ZNHIT3: variants seen among roughly 807,000 people sequenced by gnomAD.
The protein encoded by ZNHIT3 is zinc finger HIT-type containing 3.
ZNHIT3 carries 27 observed loss-of-function variants against 19.9 expected under a neutral mutation model. The observed-to-expected ratio is 1.36, with a 90% CI of 1.00 to 1.87. The LOEUF (loss-of-function observed/expected upper bound fraction) is 1.87. Ranked by LOEUF, ZNHIT3 falls within the 40% of genes most tolerant of loss-of-function variation. ZNHIT3 has a pLI of 0.00. For synonymous variants in ZNHIT3, 81 were observed against 65.7 expected (o/e 1.23, Z -1.13); for missense variants, 215 against 185.6 (o/e 1.16, Z -0.92).
At chr17:36,495,889 A>C (rs993691951), downstream of ZNHIT3, 5 of 1,233,042 alleles carry the variant, frequency 4.1e-6, no homozygotes, top group African/African-American at 7.8e-5. Context: ...CGCCAATTTT[A>C]GGCCAACTTT....
chr17:36,496,645 A>G (rs752974076), downstream of ZNHIT3, among the ~76,000 whole-genome samples: 23 of 152,208 alleles, frequency 1.5e-4, no homozygotes, highest in Non-Finnish European at 2.8e-4. Context: ...TAAAGCCAGA[A>G]GGGCAAAACA....
chr17:36,488,085 G>A (rs1412988961), intron 2 of ZNHIT3, among the ~76,000 whole-genome samples: 3 of 110,366 alleles, frequency 2.7e-5, no homozygotes, highest in African/African-American at 8.1e-5. Flanking sequence ...GAGACAGCAA[G>A]ACTGTCTCAA....
At position 36,495,683 on chromosome 17, in the gene ZNHIT3, C is replaced by A; in HGVS notation, c.*279C>A. 7.9e-7 allele frequency: 1 copy of A among 1,265,144 alleles called. No individual in the cohort carries two copies. The highest frequency in any genetic ancestry group is 9.9e-7 in the Non-Finnish European group (1 of 1,007,654). The allele number at this position is 1,265,144 out of a possible 1,614,324, so 78.4% of individuals were successfully genotyped here. A position where few individuals can be genotyped will look rare whatever the true frequency, so the allele number is the denominator to read the frequency against. On this transcript the variant is annotated 3_prime_UTR_variant, in exon 5 of 5. Transcript: ENST00000617429. ...TGGTACAGTTGATAGACATCATAAACGATATCAAGCTTACACTTCATATGG... is the reference window on the plus strand; with the variant it reads ...TGGTACAGTTGATAGACATCATAAAAGATATCAAGCTTACACTTCATATGG...
At chr17:36,499,264 A>C, downstream of ZNHIT3, 6 of 771,380 alleles carry the variant, frequency 7.8e-6, no homozygotes, top group African/African-American at 1.8e-5. Flanking sequence ...AGTTTCAAAT[A>C]CGTTTTTTTT....
At chr17:36,495,190 C>A in intron 4 of ZNHIT3, 33 bp from the exon 5 acceptor site, 1 of 1,539,116 alleles carries the variant, frequency 6.5e-7, no homozygotes, top group South Asian at 1.3e-5. Flanking sequence ...TCCACTTGAA[C>A]TCAGACTGGC....
chr17:36,496,237 A>AAAGGCACC (rs2070953096), downstream of ZNHIT3: 1 of 1,613,142 alleles, frequency 6.2e-7, no homozygotes, highest in Admixed American at 1.7e-5. Flanking sequence ...TTGTGGAAAC[A>AAAGGCACC]AAGGCACCAA....
chr17:36,495,124 T>C, intron 4 of ZNHIT3, 99 bp from the exon 5 acceptor site: 2 of 1,430,478 alleles, frequency 1.4e-6, no homozygotes, highest in Non-Finnish European at 1.9e-6. Flanking sequence ...CACACCTTGC[T>C]GATAGTTTTA....
Position 36,486,764 on chromosome 17 carries a change from G to A in ZNHIT3, c.65G>A (p.Cys22Tyr). ...TGCTTGGAGAAGCCCAAATACCGCTGTCCAGCCTGCCGCGTGCCCTAGTGA... is the reference window on the plus strand; with the variant it reads ...TGCTTGGAGAAGCCCAAATACCGCTATCCAGCCTGCCGCGTGCCCTAGTGA... ...VICLEKPKYR[C>Y]PACRVPYCSV... Residue 22 changes from cysteine to tyrosine, a missense_variant, in exon 1 of 5, where the codon TGT (cysteine) becomes TAT (tyrosine). Transcript: ENST00000617429. 6.2e-7 allele frequency: 1 copy of A among 1,613,488 alleles called. No individual in the cohort carries two copies. Among genetic ancestry groups the A allele is most frequent in the Non-Finnish European group, 8.5e-7 (1 of 1,179,758 alleles).
At chr17:36,497,589 C>CTTTT, downstream of ZNHIT3, 1 of 818,428 alleles carries the variant, frequency 1.2e-6, no homozygotes, top group Non-Finnish European at 1.5e-6. Context: ...CTAAACCAAA[C>CTTTT]TTTTTTTTTT....
chr17:36,493,842 T>C (rs1167865424), intron 3 of ZNHIT3, 84 bp from the exon 4 acceptor site: 9 of 939,070 alleles, frequency 9.6e-6, no homozygotes, highest in African/African-American at 1.6e-5. Context: ...TGCACACATT[T>C]TTATCCTGTT....
chr17:36,488,709 A>G (rs1429962123), intron 2 of ZNHIT3, among the ~76,000 whole-genome samples: 1 of 152,236 alleles, frequency 6.6e-6, no homozygotes, highest in African/African-American at 2.4e-5. Context: ...TAATTGACAC[A>G]TAATTGCATA....
rs2070804034 is a variant in ZNHIT3 at position 36,494,101 on chromosome 17, A to G, written c.286+95A>G. ...AAAGTTTTTAATTTCTTGAATAAGTATGGCATGTAGGGCTCTTACTATCTA... is the reference window on the plus strand; with the variant it reads ...AAAGTTTTTAATTTCTTGAATAAGTGTGGCATGTAGGGCTCTTACTATCTA... On this transcript the variant is annotated intron_variant, in intron 4 of 4. Transcript: ENST00000617429. 7.6e-5 allele frequency: 72 copies of G among 952,790 alleles called. 3 individuals are homozygous for G. In the South Asian group the frequency reaches 9.1e-4, roughly 12 times the overall value. 59.0% of individuals were successfully genotyped at this position (952,790 alleles called of 1,614,324 possible).
intron 2 of ZNHIT3, among the ~76,000 whole-genome samples, chr17:36,488,217 C>A (rs1159677742): frequency 6.6e-6 from 1 of 151,562 alleles, no homozygotes; most frequent in Non-Finnish European, 1.5e-5. Context: ...CCAACATCCT[C>A]ATTTGAGTTT....
intron 3 of ZNHIT3, 54 bp downstream of exon 3, chr17:36,492,953 G>C: frequency 1.4e-6 from 2 of 1,474,764 alleles, no homozygotes; most frequent in Non-Finnish European, 9.2e-7. Flanking sequence ...AGAATAAGTC[G>C]AAGGAAAAGG....
chr17:36,494,969 G>A (rs773048395), intron 4 of ZNHIT3, among the ~76,000 whole-genome samples: 7 of 152,076 alleles, frequency 4.6e-5, no homozygotes, highest in South Asian at 2.1e-4. Flanking sequence ...CATTTAATGC[G>A]GAAATAGTTT....
At chr17:36,497,320 GAAA>G (rs112241229), downstream of ZNHIT3, among the ~76,000 whole-genome samples, 2 of 132,554 alleles carry the variant, frequency 1.5e-5, no homozygotes, top group African/African-American at 2.7e-5. Context: ...TAAATAACAT[GAAA>G]AAAAAAAAAA....
At chr17:36,491,658 T>C (rs1300628810) in intron 2 of ZNHIT3, 1 of 152,240 alleles carries the variant, frequency 6.6e-6, no homozygotes, top group Admixed American at 6.5e-5. Flanking sequence ...TTGACTTTTA[T>C]TCCTAGGTAG....
rs201455273 is a variant in ZNHIT3, at chr17:36,495,375, G to A, written c.439G>A (p.Val147Met). ...VEFADCCLGI[V>M]EPSQNEES Reference sequence around the variant, plus strand: ...GTTTGCAGACTGCTGTTTAGGAATTGTGGAGCCATCCCAGAATGAGGAGTC... The same window carrying A: ...GTTTGCAGACTGCTGTTTAGGAATTATGGAGCCATCCCAGAATGAGGAGTC... Residue 147 changes from valine (V) to methionine (M), a missense_variant, in exon 5 of 5, where the codon GTG (valine) becomes ATG (methionine). Val to Met is a conservative substitution (Grantham distance 21). Transcript: ENST00000617429. The A allele has an allele frequency of 1.2e-6, 2 of 1,609,660 alleles. No individual in the cohort carries two copies. The highest frequency in any genetic ancestry group is 1.1e-5 in the South Asian group (1 of 90,178).
chr17:36,495,872 A>T (rs1208330138), downstream of ZNHIT3: 1 of 1,238,994 alleles, frequency 8.1e-7, no homozygotes, highest in East Asian at 3.1e-5. Flanking sequence ...CCCAGCCCAA[A>T]TTCCAGCGCC....
Sources: gnomAD v4.1 joint callset for allele counts (sites outside exome capture counted in the v4.1 genomes callset) on GRCh38, gnomAD v4.1.1 for gene constraint, MANE v1.5 for transcripts, NCBI Gene and HGNC (gene_info 2026-07-23, HGNC 2026-07-21) for gene names.